Variants in AGBL1 observed in about 807,000 individuals in gnomAD.
The protein encoded by AGBL1 is AGBL carboxypeptidase 1.
A neutral mutation model predicts 118.9 loss-of-function variants in AGBL1; 130 were observed. The observed-to-expected ratio is 1.09, with a 90% CI of 0.95 to 1.26. The LOEUF (loss-of-function observed/expected upper bound fraction) is 1.26. Ranked by LOEUF, AGBL1 falls within the 50% of genes most tolerant of loss-of-function variation. The probability of loss-of-function intolerance (pLI) is 0.00; values close to 1 mark genes in which losing one functional copy is unlikely to be tolerated. For missense variants in AGBL1, 1,584 were observed against 1,298.1 expected, an observed-to-expected ratio of 1.22 and a Z score of -3.38; for synonymous variants, 555 against 478.9, an observed-to-expected ratio of 1.16 and a Z score of -2.08.
chr15:86,278,621 T>C (rs1309392706), intron 15 of AGBL1, among the ~76,000 whole-genome samples: 1 of 152,216 alleles, frequency 6.6e-6, no homozygotes, highest in African/African-American at 2.4e-5. Flanking sequence ...CTACTATTTC[T>C]TCCCTTCCCC....
intron 22 of AGBL1, among the ~76,000 whole-genome samples, chr15:86,730,766 G>A (rs1224921031): frequency 6.6e-6 from 1 of 152,152 alleles, no homozygotes; most frequent in Non-Finnish European, 1.5e-5. Context: ...ATTTCAGAGT[G>A]TATAATTACA....
chr15:86,112,163 G>A (rs1897429441), intron 1 of AGBL1, among the ~76,000 whole-genome samples: 1 of 151,810 alleles, frequency 6.6e-6, no homozygotes, highest in Non-Finnish European at 1.5e-5. Flanking sequence ...CACAATAAAT[G>A]TAATGTACTT....
intron 21 of AGBL1, among the ~76,000 whole-genome samples, chr15:86,604,039 C>T (rs1034767565): frequency 2.0e-5 from 3 of 151,912 alleles, no homozygotes; most frequent in Admixed American, 1.3e-4. Flanking sequence ...TTCAGGCAAG[C>T]ATTTTCTTAC....
chr15:86,159,052 G>A (rs755728559), intron 5 of AGBL1, 26 bp downstream of exon 5: 1 of 1,601,476 alleles, frequency 6.2e-7, no homozygotes, highest in African/African-American at 1.3e-5. Flanking sequence ...TAATACTTCT[G>A]CCCCTTTTGT....
rs1016173100 is a variant in AGBL1 at position 87,000,059 on chromosome 15, C to A, written c.3323+11971C>A. On this transcript the variant is annotated intron_variant, in intron 24 of 24. Transcript: ENST00000441037. The stretch of plus-strand genomic sequence containing the variant: ...AGTGTCTGTTCATGTCCTTCGCCCA[C>A]TTTTTGATGGGGTTGTTTGGTTTTT... Among the ~76,000 whole-genome samples the A allele has an allele frequency of 5.7e-5, 5 of 88,486 alleles. 1 individual carries two copies. The highest frequency in any genetic ancestry group is 1.9e-4 in the African/African-American group (5 of 26,724). 58.1% of individuals were successfully genotyped at this position (88,486 alleles called of 152,430 possible).
At chr15:86,761,922 G>C (rs957051109) in intron 22 of AGBL1, among the ~76,000 whole-genome samples, 1 of 151,258 alleles carries the variant, frequency 6.6e-6, no homozygotes, top group Non-Finnish European at 1.5e-5. Context: ...CCTATGTACT[G>C]AATGGTATTG....
chr15:86,813,832 T>C (rs2078824458), intron 22 of AGBL1, among the ~76,000 whole-genome samples: 1 of 152,206 alleles, frequency 6.6e-6, no homozygotes, highest in African/African-American at 2.4e-5. Flanking sequence ...TTACTAGAGA[T>C]ATGAACATCA....
intron 22 of AGBL1, among the ~76,000 whole-genome samples, chr15:86,783,033 A>C (rs1278303605): frequency 6.6e-6 from 1 of 152,224 alleles, no homozygotes; most frequent in Non-Finnish European, 1.5e-5. Context: ...ATTAGTTAAA[A>C]GGCTGAGAAA....
At chr15:86,151,289 T>A in intron 3 of AGBL1, among the ~76,000 whole-genome samples, 1 of 139,908 alleles carries the variant, frequency 7.1e-6, no homozygotes. Context: ...ACCCTAAAAC[T>A]TAAAGTGTAA....
intron 24 of AGBL1, among the ~76,000 whole-genome samples, chr15:87,010,237 A>T (rs2081544700): frequency 6.6e-6 from 1 of 152,164 alleles, no homozygotes; most frequent in South Asian, 2.1e-4. Flanking sequence ...AAGTCTCATG[A>T]GACCTGATGG....
At chr15:86,967,528 T>G (rs1374116158) in intron 23 of AGBL1, among the ~76,000 whole-genome samples, 1 of 152,194 alleles carries the variant, frequency 6.6e-6, no homozygotes, top group Non-Finnish European at 1.5e-5. Context: ...GGATCCAGTT[T>G]CAGCTTTCTA....
At chr15:86,853,344 T>G (rs1367122475) in intron 22 of AGBL1, among the ~76,000 whole-genome samples, 1 of 152,128 alleles carries the variant, frequency 6.6e-6, no homozygotes, top group Non-Finnish European at 1.5e-5. Flanking sequence ...AAGCAAGCAG[T>G]AGAGAGCTAA....
At chr15:86,364,990 C>CACACACACATATATATATAT (rs1567219469) in intron 17 of AGBL1, among the ~76,000 whole-genome samples, 3 of 65,022 alleles carry the variant, frequency 4.6e-5, no homozygotes, top group African/African-American at 1.6e-4. Context: ...TATATATATA[C>CACACACACATATATATATAT]ACACACACAT....
chr15:86,187,131 A>C (rs2077644762), intron 5 of AGBL1, among the ~76,000 whole-genome samples: 1 of 152,238 alleles, frequency 6.6e-6, no homozygotes, highest in South Asian at 2.1e-4. Context: ...AATGAAAACC[A>C]ACACACACCC....
intron 6 of AGBL1, among the ~76,000 whole-genome samples, chr15:86,230,455 A>C (rs976941681): frequency 6.6e-6 from 1 of 152,214 alleles, no homozygotes; most frequent in African/African-American, 2.4e-5. Context: ...ATGACCATGC[A>C]CAAGTACCAG....
At chr15:86,948,751 T>G (rs1423851845) in intron 23 of AGBL1, among the ~76,000 whole-genome samples, 1 of 152,216 alleles carries the variant, frequency 6.6e-6, no homozygotes, top group Non-Finnish European at 1.5e-5. Flanking sequence ...CATTGATATA[T>G]CTAAAATAAA....
chr15:86,804,870 G>C (rs974942668), intron 22 of AGBL1, among the ~76,000 whole-genome samples: 1 of 152,096 alleles, frequency 6.6e-6, no homozygotes, highest in Non-Finnish European at 1.5e-5. Context: ...TTTCCACAAA[G>C]AAAAGAAGCA....
At chr15:86,138,417 A>G (rs2076918075) in intron 1 of AGBL1, 2 of 152,166 alleles carry the variant, frequency 1.3e-5, no homozygotes, top group Admixed American at 1.3e-4. Flanking sequence ...TACTTCTCCC[A>G]GTTTACCTTT....
chr15:86,120,038 T>C (rs940983423), intron 1 of AGBL1, among the ~76,000 whole-genome samples: 1 of 152,180 alleles, frequency 6.6e-6, no homozygotes, highest in Non-Finnish European at 1.5e-5. Flanking sequence ...ATTCAAGTAC[T>C]CATTATTCAT....
Sources: gnomAD v4.1 joint callset for allele counts (sites outside exome capture counted in the v4.1 genomes callset) on GRCh38, gnomAD v4.1.1 for gene constraint, MANE v1.5 for transcripts, NCBI Gene and HGNC (gene_info 2026-07-23, HGNC 2026-07-21) for gene names.